The following CTNNA2 variants were observed in gnomAD, a reference collection of about 807,000 sequenced individuals.
CTNNA2 encodes the protein catenin alpha-2.
Under a neutral mutation model 101.0 loss-of-function variants are expected in CTNNA2, and 42 were observed. The observed-to-expected ratio is 0.42, with a 90% CI of 0.32 to 0.54. The LOEUF is 0.54. CTNNA2 is among the 20% of genes least tolerant of loss of function. The pLI is 0.14. For synonymous variants in CTNNA2, 450 were observed against 456.4 expected, an observed-to-expected ratio of 0.99 and a Z score of 0.18; for missense variants, 871 against 1,223.1, an observed-to-expected ratio of 0.71 and a Z score of 4.29.
intron 7 of CTNNA2, among the ~76,000 whole-genome samples, chr2:79,910,937 C>T (rs370814220): frequency 1.3e-5 from 2 of 152,166 alleles, no homozygotes; most frequent in South Asian, 4.1e-4. Flanking sequence ...AATGAGAAAA[C>T]CTAACAAACT....
intron 2 of CTNNA2, among the ~76,000 whole-genome samples, chr2:79,257,028 G>A (rs1181229661): frequency 2.0e-5 from 3 of 152,088 alleles, no homozygotes; most frequent in Non-Finnish European, 4.4e-5. Flanking sequence ...GATCTATTTC[G>A]AAGTAATCTG....
At chr2:79,541,420 A>ACG in intron 1 of CTNNA2, among the ~76,000 whole-genome samples, 1 of 51,070 alleles carries the variant, frequency 2.0e-5, no homozygotes, top group Non-Finnish European at 3.6e-5. Context: ...ACACACACGC[A>ACG]CACACACATA....
rs930238551 is a variant in CTNNA2, at chr2:79,529,104, A to C, written c.-6+15897A>C. Among the ~76,000 whole-genome samples, 4 of 152,184 alleles carry C rather than the reference A, an allele frequency of 2.6e-5. No individual in the cohort carries two copies. The South Asian group carries it at 6.2e-4, about 24-fold the overall frequency. Reference sequence around the variant, plus strand: ...CTATAAAGATAAATTAGGAAATAGCATTCCAGGTTGAGGGGAAAGCATGAA... The same window carrying C: ...CTATAAAGATAAATTAGGAAATAGCCTTCCAGGTTGAGGGGAAAGCATGAA... On this transcript the variant is annotated intron_variant, in intron 1 of 18. Coordinates refer to ENST00000402739, the MANE Select transcript of CTNNA2 (RefSeq NM_001282597.3).
intron 2 of CTNNA2, among the ~76,000 whole-genome samples, chr2:79,302,511 G>C (rs911386624): frequency 6.6e-6 from 1 of 152,174 alleles, no homozygotes; most frequent in Non-Finnish European, 1.5e-5. Context: ...TCTTTAGAGA[G>C]TTTCAGCTAT....
At chr2:80,386,822 A>C (rs1179277651) in intron 7 of CTNNA2, among the ~76,000 whole-genome samples, 4 of 152,206 alleles carry the variant, frequency 2.6e-5, no homozygotes, top group African/African-American at 9.6e-5. Flanking sequence ...CTTCAAGGGA[A>C]AGAAAGGAAG....
At chr2:80,088,556 T>C (rs1195455182) in intron 7 of CTNNA2, among the ~76,000 whole-genome samples, 3 of 152,102 alleles carry the variant, frequency 2.0e-5, no homozygotes, top group African/African-American at 7.2e-5. Flanking sequence ...ATATAAGCTA[T>C]TATATTGGGA....
intron 8 of CTNNA2, among the ~76,000 whole-genome samples, chr2:80,408,849 C>T (rs1007568461): frequency 2.0e-5 from 3 of 152,052 alleles, no homozygotes; most frequent in Admixed American, 6.6e-5. Flanking sequence ...TATTGGAACC[C>T]GAACACCTGA....
intron 3 of CTNNA2, among the ~76,000 whole-genome samples, chr2:79,330,196 A>G (rs1470042257): frequency 1.3e-5 from 2 of 152,194 alleles, no homozygotes; most frequent in East Asian, 3.9e-4. Flanking sequence ...TTGTAAAACA[A>G]GAGCAGGTCT....
At chr2:79,670,743 T>C (rs1413967024) in intron 2 of CTNNA2, among the ~76,000 whole-genome samples, 2 of 152,202 alleles carry the variant, frequency 1.3e-5, no homozygotes, top group East Asian at 3.9e-4. Context: ...GTTTGGTTCA[T>C]TGAAGCTGAG....
intron 15 of CTNNA2, among the ~76,000 whole-genome samples, chr2:80,592,009 T>G (rs1696557366): frequency 6.6e-6 from 1 of 152,088 alleles, no homozygotes; most frequent in African/African-American, 2.4e-5. Context: ...CAGAAAGAAA[T>G]CGCATGTTGC....
chr2:79,593,880 GTTTTTTTTT>G (rs945227300), intron 1 of CTNNA2, among the ~76,000 whole-genome samples: 3 of 85,438 alleles, frequency 3.5e-5, no homozygotes, highest in African/African-American at 1.6e-4. Context: ...CTTTCTTTTA[GTTTTTTTTT>G]TTTTTTTTTT....
At chr2:79,208,355 C>T (rs1285873216) in intron 2 of CTNNA2, among the ~76,000 whole-genome samples, 1 of 152,148 alleles carries the variant, frequency 6.6e-6, no homozygotes, top group Non-Finnish European at 1.5e-5. Flanking sequence ...TAATGAAGTG[C>T]ATCTCACCTA....
chr2:80,237,934 A>G (rs1418614620), intron 7 of CTNNA2, among the ~76,000 whole-genome samples: 1 of 150,948 alleles, frequency 6.6e-6, no homozygotes, highest in Non-Finnish European at 1.5e-5. Context: ...GTTGGTGACA[A>G]CTCTTCTTGG....
rs1445466700 is a variant in CTNNA2 at position 80,555,896 on chromosome 2, A to G, written c.1741+3A>G. ...TACAAAATTGCTTTCTGAAACAGGT[A>G]AGCATGGGTATTGGGTCTGGCCAAA... On this transcript the variant is annotated splice_donor_region_variant and intron_variant, in intron 12 of 18. Transcript: ENST00000402739. 6.5e-7 allele frequency: 1 copy of G among 1,532,316 alleles called. No homozygotes were observed. Among genetic ancestry groups the G allele is most frequent in the African/African-American group, 1.4e-5 (1 of 72,734 alleles). The allele number at this position is 1,532,316 out of a possible 1,614,324, so 94.9% of individuals were successfully genotyped here.
chr2:79,938,283 T>C (rs1250944192), intron 7 of CTNNA2, among the ~76,000 whole-genome samples: 2 of 152,198 alleles, frequency 1.3e-5, no homozygotes, highest in East Asian at 3.9e-4. Context: ...GCTTGATTTG[T>C]AGAACAGAAT....
intron 2 of CTNNA2, among the ~76,000 whole-genome samples, chr2:79,213,815 C>T (rs559180994): frequency 9.9e-5 from 15 of 152,124 alleles, no homozygotes; most frequent in Admixed American, 3.3e-4. Context: ...AAAGTATATG[C>T]GTCAGGTATG....
intron 4 of CTNNA2, among the ~76,000 whole-genome samples, chr2:79,391,930 G>T (rs949387889): frequency 4.6e-5 from 7 of 152,128 alleles, no homozygotes; most frequent in Admixed American, 3.9e-4. Context: ...CCATCTTGCT[G>T]CATCCTCACA....
chr2:80,427,944 T>A (rs1559101648), intron 9 of CTNNA2, among the ~76,000 whole-genome samples: 1 of 152,208 alleles, frequency 6.6e-6, no homozygotes, highest in South Asian at 2.1e-4. Context: ...GAGGTAAGTG[T>A]ATACTATGTA....
chr2:80,079,994 G>A (rs1699037792), intron 7 of CTNNA2, among the ~76,000 whole-genome samples: 1 of 152,030 alleles, frequency 6.6e-6, no homozygotes, highest in South Asian at 2.1e-4. Flanking sequence ...TGTAGAATCA[G>A]GATTTGATTA....
Sources: allele counts gnomAD v4.1 joint callset (sites outside exome capture counted in the v4.1 genomes callset), GRCh38; gene constraint gnomAD v4.1.1; transcripts MANE v1.5; gene names NCBI Gene and HGNC (gene_info 2026-07-23, HGNC 2026-07-21).